Variants in PTPRT observed in about 807,000 individuals in gnomAD.
PTPRT encodes the protein receptor-type tyrosine-protein phosphatase T.
A neutral mutation model predicts 176.8 loss-of-function variants in PTPRT; 56 were observed. The ratio of observed to expected loss-of-function variants is 0.32; its 90% confidence interval spans 0.26 to 0.40. The LOEUF (loss-of-function observed/expected upper bound fraction) is 0.40. Among genes scored for constraint, PTPRT ranks in the 10% least tolerant of loss-of-function variants. The pLI is 1.00. For synonymous variants in PTPRT, 783 were observed against 739.0 expected, an observed-to-expected ratio of 1.06 and a Z score of -0.96; for missense variants, 1,540 against 1,908.2, an observed-to-expected ratio of 0.81 and a Z score of 3.60.
chr20:42,602,139 T>C (rs2145793285), intron 7 of PTPRT, among the ~76,000 whole-genome samples: 1 of 152,312 alleles, frequency 6.6e-6, no homozygotes, highest in African/African-American at 2.4e-5. Flanking sequence ...GGTACAGAAA[T>C]GTAATTTAGT....
At chr20:42,559,092 G>A (rs992441908) in intron 7 of PTPRT, among the ~76,000 whole-genome samples, 5 of 152,106 alleles carry the variant, frequency 3.3e-5, no homozygotes, top group African/African-American at 1.2e-4. Context: ...TATCCTTAGT[G>A]CTTATTATGA....
intron 7 of PTPRT, among the ~76,000 whole-genome samples, chr20:42,514,880 C>A (rs1225243704): frequency 2.0e-5 from 3 of 152,140 alleles, no homozygotes; most frequent in Non-Finnish European, 4.4e-5. Context: ...GACTTTTCAT[C>A]CTGCTCTACT....
intron 15 of PTPRT, among the ~76,000 whole-genome samples, chr20:42,222,074 C>T (rs1011480098): frequency 1.3e-5 from 2 of 152,190 alleles, no homozygotes; most frequent in Admixed American, 6.5e-5. Flanking sequence ...CATCTTTCCC[C>T]TGCACTCAGA....
chr20:42,675,266 C>T (rs1442363493), intron 7 of PTPRT, among the ~76,000 whole-genome samples: 1 of 152,186 alleles, frequency 6.6e-6, no homozygotes, highest in African/African-American at 2.4e-5. Context: ...ATCCCTTATC[C>T]AAAATGCTTG....
rs150567208 is a variant in PTPRT at position 42,932,120 on chromosome 20, G to T, written c.89-46188C>A. Among the ~76,000 whole-genome samples the T allele has an allele frequency of 3.3e-5, 5 of 152,362 alleles. No homozygotes were observed. In the East Asian group the frequency reaches 9.7e-4, roughly 29 times the overall value. On this transcript the variant is annotated intron_variant, in intron 1 of 30. Coordinates refer to ENST00000373187, the MANE Select transcript of PTPRT (RefSeq NM_007050.6). ...GAAGCAGGCCCACACGACCAGGGGT[G>T]ACTATGAGAACACAGGGCTGTGCAG... is the stretch of plus-strand genomic sequence containing the variant.
At chr20:42,653,171 G>A (rs1482603370) in intron 7 of PTPRT, among the ~76,000 whole-genome samples, 1 of 152,118 alleles carries the variant, frequency 6.6e-6, no homozygotes, top group African/African-American at 2.4e-5. Flanking sequence ...GAGTTCTCAT[G>A]AAATCTGATG....
chr20:42,092,943 G>C (rs1984785576), intron 27 of PTPRT, among the ~76,000 whole-genome samples: 1 of 152,174 alleles, frequency 6.6e-6, no homozygotes, highest in South Asian at 2.1e-4. Flanking sequence ...CCCCAGAACA[G>C]AGCAACTCAG....
At chr20:42,850,534 T>C (rs950297376) in intron 2 of PTPRT, among the ~76,000 whole-genome samples, 7 of 152,208 alleles carry the variant, frequency 4.6e-5, no homozygotes, top group Non-Finnish European at 7.3e-5. Flanking sequence ...TTAACCAGTG[T>C]TGTGAATGTG....
Position 42,270,286 on chromosome 20 carries a change from GGGTGGGTGGGGTGGA to G in PTPRT, c.2176+12188_2176+12202del, listed in dbSNP as rs1490486185. 4.3e-5 allele frequency: 39 copies of G among 908,240 alleles called. No individual in the cohort carries two copies. In the African/African-American group the frequency reaches 6.3e-4, roughly 15 times the overall value. The allele number at this position is 908,240 out of a possible 1,614,324, so 56.3% of individuals were successfully genotyped here. A position where few individuals can be genotyped will look rare whatever the true frequency, so the allele number is the denominator to read the frequency against. ...TGGGTGAATGGGTGGGGGGGTGGGT[GGGTGGGTGGGGTGGA>G]AAGACTGCTGATTCCTCTCTGGTGC... On this transcript the variant is annotated intron_variant, in intron 13 of 30. Transcript: ENST00000373187.
In PTPRT at chr20:43,189,561, T is replaced by C; in HGVS notation, c.88+85A>G. 1 of 929,340 alleles carries C rather than the reference T, an allele frequency of 1.1e-6. No homozygotes were observed. The allele number at this position is 929,340 out of a possible 1,614,324, so 57.6% of individuals were successfully genotyped here. A position where few individuals can be genotyped will look rare whatever the true frequency, so the allele number is the denominator to read the frequency against. The stretch of plus-strand genomic sequence containing the variant: ...GCGCCCCCGCGAGCCCACACAACTT[T>C]CTCCTCCGAGGGCCCCGCGGCTGGG... On this transcript the variant is annotated intron_variant, in intron 1 of 30. Transcript: ENST00000373187. This position sits in a 1 kb window ranked among gnomAD's most constrained non-coding sequence, Gnocchi z 5.0.
chr20:43,157,490 C>T (rs2014557474), intron 1 of PTPRT, among the ~76,000 whole-genome samples: 1 of 152,172 alleles, frequency 6.6e-6, no homozygotes, highest in Non-Finnish European at 1.5e-5. Context: ...AACTGACTCC[C>T]TCTGCAAGCC....
intron 7 of PTPRT, among the ~76,000 whole-genome samples, chr20:42,664,975 A>T (rs1210579995): frequency 2.6e-5 from 4 of 152,268 alleles, no homozygotes; most frequent in African/African-American, 9.6e-5. Context: ...CTTAAATGTT[A>T]GATCTAAAAC....
At chr20:42,669,254 C>T (rs2075373041) in intron 7 of PTPRT, among the ~76,000 whole-genome samples, 1 of 152,112 alleles carries the variant, frequency 6.6e-6, no homozygotes, top group South Asian at 2.1e-4. Context: ...TCTAGGTTCA[C>T]CTGCACTGCA....
intron 2 of PTPRT, among the ~76,000 whole-genome samples, chr20:42,796,585 C>G (rs578015701): frequency 6.6e-6 from 1 of 152,374 alleles, no homozygotes; most frequent in South Asian, 2.1e-4. Context: ...CTTGCCCGAG[C>G]TGTACAGCCA....
At chr20:42,683,804 C>A (rs925329430) in intron 6 of PTPRT, among the ~76,000 whole-genome samples, 2 of 152,172 alleles carry the variant, frequency 1.3e-5, no homozygotes, top group Non-Finnish European at 2.9e-5. Context: ...TACCACTAGC[C>A]AGATGTGTGA....
intron 9 of PTPRT, among the ~76,000 whole-genome samples, chr20:42,372,279 CTTTTTTTTTT>C (rs10588893): frequency 3.6e-5 from 3 of 83,644 alleles, no homozygotes; most frequent in Non-Finnish European, 6.7e-5. Context: ...TTTCTTAACT[CTTTTTTTTTT>C]TTTTTTTTTT....
At chr20:42,285,932 T>A (rs947918557) in intron 12 of PTPRT, among the ~76,000 whole-genome samples, 1 of 151,912 alleles carries the variant, frequency 6.6e-6, no homozygotes, top group Non-Finnish European at 1.5e-5. Flanking sequence ...ACTGTTTCTA[T>A]ACATGAACAA....
intron 15 of PTPRT, among the ~76,000 whole-genome samples, chr20:42,223,536 A>T (rs1404351957): frequency 6.6e-6 from 1 of 152,230 alleles, no homozygotes; most frequent in African/African-American, 2.4e-5. Flanking sequence ...GAGATTACAG[A>T]AGTACAATTT....
In PTPRT at chr20:42,146,650, C is replaced by T. The variant is rs542383897; in HGVS notation, c.2683-4648G>A. Reference sequence around the variant, plus strand: ...CTTTAAAATATTTTCCCATGAGTCTCCTCATTGGTTCCTTTTGTTTTGGGT... The same window carrying T: ...CTTTAAAATATTTTCCCATGAGTCTTCTCATTGGTTCCTTTTGTTTTGGGT... On this transcript the variant is annotated intron_variant, in intron 17 of 30. Coordinates refer to ENST00000373187, the MANE Select transcript of PTPRT (RefSeq NM_007050.6). Among the ~76,000 whole-genome samples the T allele has an allele frequency of 3.3e-5, 5 of 152,290 alleles. No individual in the cohort carries two copies. The East Asian group carries it at 9.6e-4, about 29-fold the overall frequency.
Sources: gnomAD v4.1 joint callset for allele counts (sites outside exome capture counted in the v4.1 genomes callset) on GRCh38, gnomAD v4.1.1 for gene constraint, Gnocchi (gnomAD v3.1) non-coding constraint, MANE v1.5 for transcripts, NCBI Gene and HGNC (gene_info 2026-07-23, HGNC 2026-07-21) for gene names.